The following PARP10 variants were observed in gnomAD, a reference collection of about 807,000 sequenced individuals.
The protein encoded by PARP10 is protein mono-ADP-ribosyltransferase PARP10.
Under a neutral mutation model 82.4 loss-of-function variants are expected in PARP10, and 56 were observed. The observed-to-expected ratio is 0.68, with a 90% CI of 0.55 to 0.85. The LOEUF is 0.85. PARP10 is among the 40% of genes least tolerant of loss of function. The probability of loss-of-function intolerance (pLI) is 0.00; values close to 1 mark genes in which losing one functional copy is unlikely to be tolerated. For missense variants in PARP10, 1,227 were observed against 1,379.4 expected (o/e 0.89, Z 1.75); for synonymous variants, 576 against 601.1 (o/e 0.96, Z 0.61).
At chr8:143,983,145 T>G in intron 8 of PARP10, 22 bp downstream of exon 8, 1 of 1,611,764 alleles carries the variant, frequency 6.2e-7, no homozygotes, top group South Asian at 1.1e-5. Context: ...CCACCGTCCC[T>G]CAGTCCAGGA....
At chr8:143,987,729 A>G (rs1402049466), upstream of PARP10, among the ~76,000 whole-genome samples, 1 of 152,178 alleles carries the variant, frequency 6.6e-6, no homozygotes. Context: ...TGTCTCTACT[A>G]AAAATATAAA....
In PARP10 at chr8:143,983,491, C is replaced by G. The variant is rs199604070; in HGVS notation, c.2098G>C (p.Asp700His). 42 of 1,606,696 alleles carry G rather than the reference C, an allele frequency of 2.6e-5. No individual in the cohort carries two copies. The East Asian group carries it at 8.3e-4, about 32-fold the overall frequency. The change falls in exon 8 of 11, where the codon GAT (aspartate) becomes CAT (histidine). Residue 700 changes from aspartate (D) to histidine (H), a missense_variant. Transcript: ENST00000313028. ...TGGGCCTTGCCATCAGTCCCCCCAT[C>G]TGGGGGCTCTTCTGCCTCCAACGGG... Reference protein sequence around the residue: ...QPPLEAEEPPDGGTDGKAQLV... With the variant: ...QPPLEAEEPPHGGTDGKAQLV...
chr8:143,982,986 C>T lies in PARP10; in HGVS notation c.2502G>A (p.Val834=), dbSNP rs1554748078. The change falls in exon 9 of 11, where the codon GTG becomes GTA. Residue 834 remains valine, a synonymous_variant. Coordinates refer to ENST00000313028, the MANE Select transcript of PARP10 (RefSeq NM_032789.5). ...AENTGEFQEV[V]RAFYDTLDAA... The stretch of plus-strand genomic sequence containing the variant: ...CGTCCAGGGTGTCGTAGAAGGCCCG[C>T]ACCACCTCCTGGAACTCCCCGGTGT... 5.0e-6 allele frequency: 8 copies of T among 1,613,850 alleles called. No homozygotes were observed. The Admixed American group carries it at 5.0e-5, about 10-fold the overall frequency.
upstream of PARP10, chr8:143,991,386 C>G: frequency 8.4e-7 from 1 of 1,188,952 alleles, no homozygotes; most frequent in Non-Finnish European, 1.2e-6. Flanking sequence ...CTACGGTCAG[C>G]CAGGGTACCC....
intron 1 of PARP10, among the ~76,000 whole-genome samples, chr8:144,005,421 T>C (rs1390651440): frequency 6.6e-6 from 1 of 152,180 alleles, no homozygotes; most frequent in Non-Finnish European, 1.5e-5. Context: ...GGTAGTGGAC[T>C]TGAGCCACCT....
chr8:143,994,329 C>T (rs1554751073), upstream of PARP10, among the ~76,000 whole-genome samples: 2 of 152,228 alleles, frequency 1.3e-5, no homozygotes, highest in African/African-American at 4.8e-5. Context: ...GCAGGGGCTG[C>T]CCCGCTTCCC....
At chr8:144,004,860 G>C (rs1213417699) in intron 1 of PARP10, among the ~76,000 whole-genome samples, 2 of 152,262 alleles carry the variant, frequency 1.3e-5, no homozygotes, top group East Asian at 3.9e-4. Context: ...AGGCTCCTGG[G>C]GTGAATGGAG....
chr8:143,991,717 G>A (rs781935252), upstream of PARP10: 22 of 1,613,600 alleles, frequency 1.4e-5, no homozygotes, highest in East Asian at 3.3e-4. Context: ...ACTACCAGGA[G>A]GAGGGTCCCC....
Position 143,983,588 on chromosome 8 carries a change from T to G in PARP10, c.2001A>C (p.Gln667His). 3.1e-6 allele frequency: 5 copies of G among 1,606,130 alleles called. No homozygotes were observed. The highest frequency in any genetic ancestry group is 4.3e-6 in the Non-Finnish European group (5 of 1,176,302). The change falls in exon 8 of 11, where the codon CAA becomes CAC. Residue 667 changes from glutamine (Q) to histidine (H), a missense_variant. Coordinates refer to ENST00000313028, the MANE Select transcript of PARP10 (RefSeq NM_032789.5). ...CCTCCTCCTGCTCAGCCACCTGACCTTGAGGCTCCAGTGACCGGTGGAGGG... is the reference window on the plus strand; with the variant it reads ...CCTCCTCCTGCTCAGCCACCTGACCGTGAGGCTCCAGTGACCGGTGGAGGG... The part of the protein sequence containing the change: ...QLALHRSLEP[Q>H]GQVAEQEEAA...
intron 1 of PARP10, chr8:144,012,300 G>A: frequency 1.7e-6 from 1 of 576,880 alleles, no homozygotes; most frequent in Non-Finnish European, 3.1e-6. Flanking sequence ...CCGAGGCAAG[G>A]CCTGTGTACA....
At chr8:143,990,704 C>G (rs1412555833), upstream of PARP10, 1 of 152,180 alleles carries the variant, frequency 6.6e-6, no homozygotes, top group Non-Finnish European at 1.5e-5. The surrounding 1 kb of genome is among the most constrained non-coding windows in gnomAD (Gnocchi z 5.6). Flanking sequence ...GGTGGGGGGG[C>G]TCGGGCCTTT....
chr8:144,008,449 T>G lies in PARP10; in HGVS notation c.-80+4081A>C, dbSNP rs1834249469. Among the ~76,000 whole-genome samples, 1 of 152,214 alleles carries G rather than the reference T, an allele frequency of 6.6e-6. No homozygotes were observed. The highest frequency in any genetic ancestry group is 1.5e-5 in the Non-Finnish European group (1 of 68,034). On this transcript the variant is annotated intron_variant, in intron 1 of 3. Coordinates refer to the PARP10 transcript ENST00000530478. This position sits in a 1 kb window ranked among gnomAD's most constrained non-coding sequence, Gnocchi z 4.0. ...GAGGCAAATTTGAATGGGGACAAAC[T>G]GTGCAAAAGCCAGTGACCCAAGACG...
chr8:143,977,837 G>A lies in PARP10; in HGVS notation c.2732-7C>T. 1 of 1,597,070 alleles carries A rather than the reference G, an allele frequency of 6.3e-7. No homozygotes were observed. Among genetic ancestry groups the A allele is most frequent in the Non-Finnish European group, 8.5e-7 (1 of 1,172,548 alleles). On this transcript the variant is annotated splice_region_variant and splice_polypyrimidine_tract_variant and intron_variant, in intron 10 of 10. Transcript: ENST00000313028. The stretch of plus-strand genomic sequence containing the variant: ...CCCTTCCCGTAGACCGTGGCTGCAG[G>A]GCGAGACGGGGCAAGGTCAGGGTGG...
In PARP10 at chr8:143,984,423, T is replaced by C; in HGVS notation, c.1467A>G (p.Gly489=). The C allele has an allele frequency of 1.2e-6, 2 of 1,608,900 alleles. No homozygotes were observed. The highest frequency in any genetic ancestry group is 1.7e-6 in the Non-Finnish European group (2 of 1,178,706). ...CAGCCGCCTGGCAGGAAGCCTGGGC[T>C]CCACAGAGCTGCAGGGCCATTGCAG... is the stretch of plus-strand genomic sequence containing the variant. ...GPDMTGFRLC[G]AQASCQAAEE... is the part of the protein sequence containing the mutation. The change falls in exon 6 of 11, where the codon GGA becomes GGG. Residue 489 remains glycine (G), a synonymous_variant. Coordinates refer to ENST00000313028, the MANE Select transcript of PARP10 (RefSeq NM_032789.5).
intron 1 of PARP10, among the ~76,000 whole-genome samples, chr8:144,006,010 T>C (rs1430924194): frequency 6.6e-6 from 1 of 152,212 alleles, no homozygotes; most frequent in Non-Finnish European, 1.5e-5. Flanking sequence ...CAACACTGAC[T>C]GAAGAGTGGG....
In PARP10 at chr8:143,985,184, G is replaced by T; in HGVS notation, c.818C>A (p.Thr273Asn). The change falls in exon 5 of 11, where the codon ACC becomes AAC. Residue 273 changes from threonine to asparagine, a missense_variant. Thr to Asn is a moderately conservative substitution (Grantham distance 65). Transcript: ENST00000313028. ...TCCGGTCCTCAGGAGAGCATGCTTG[G>T]TAGCCCTAGGCCCCTGGGTGGACGG... ...DHPSTQGPRA[T>N]KHALLRTGGL... 3 of 1,614,158 alleles carry T rather than the reference G, an allele frequency of 1.9e-6. No individual in the cohort carries two copies. Among genetic ancestry groups the T allele is most frequent in the Non-Finnish European group, 2.5e-6 (3 of 1,180,022 alleles).
rs782338564 is a variant in PARP10, at chr8:143,984,017, C to T, written c.1768G>A (p.Val590Met). 8.6e-6 allele frequency: 13 copies of T among 1,517,522 alleles called. No homozygotes were observed. The highest frequency in any genetic ancestry group is 2.7e-5 in the South Asian group (2 of 75,126). The allele number at this position is 1,517,522 out of a possible 1,614,324, so 94.0% of individuals were successfully genotyped here. A position where few individuals can be genotyped will look rare whatever the true frequency, so the allele number is the denominator to read the frequency against. ...PDSTGGDQED[V>M]SLEEVRELLA... ...TCCCAGGGAGCCCTACCCAGGCTCACGTCCTCCTGGTCACCACCTGTACTG... is the reference window on the plus strand; with the variant it reads ...TCCCAGGGAGCCCTACCCAGGCTCATGTCCTCCTGGTCACCACCTGTACTG... The change falls in exon 7 of 11, where the codon GTG becomes ATG. Residue 590 changes from valine (V) to methionine (M), a missense_variant. By Grantham distance (21) the Val-to-Met change is conservative. Coordinates refer to ENST00000313028, the MANE Select transcript of PARP10 (RefSeq NM_032789.5).
chr8:143,998,023 G>T (rs1186947419), intron 1 of PARP10, among the ~76,000 whole-genome samples: 2 of 152,038 alleles, frequency 1.3e-5, no homozygotes, highest in Non-Finnish European at 2.9e-5. Context: ...AAACTCCTGG[G>T]TTCAAGCGAT....
Position 143,984,440 on chromosome 8 carries a change from C to A in PARP10, c.1459-9G>T. 2.0e-5 allele frequency: 32 copies of A among 1,603,468 alleles called. No homozygotes were observed. Among genetic ancestry groups the A allele is most frequent in the Non-Finnish European group, 2.7e-5 (32 of 1,175,854 alleles). Reference sequence around the variant, plus strand: ...GCCTGGGCTCCACAGAGCTGCAGGGCCATTGCAGAGATGGAGTTTGCAGGT... The same window carrying A: ...GCCTGGGCTCCACAGAGCTGCAGGGACATTGCAGAGATGGAGTTTGCAGGT... On this transcript the variant is annotated splice_polypyrimidine_tract_variant and intron_variant, in intron 5 of 10. Transcript: ENST00000313028.
Sources: allele counts gnomAD v4.1 joint callset (sites outside exome capture counted in the v4.1 genomes callset), GRCh38; gene constraint gnomAD v4.1.1; non-coding constraint Gnocchi (gnomAD v3.1); transcripts MANE v1.5; gene names NCBI Gene and HGNC (gene_info 2026-07-23, HGNC 2026-07-21).